The following PBX4 variants were observed in gnomAD, a reference collection of about 807,000 sequenced individuals.
The protein encoded by PBX4 is pre-B-cell leukemia transcription factor 4.
A neutral mutation model predicts 35.1 loss-of-function variants in PBX4; 26 were observed. The observed-to-expected ratio is 0.74, with a 90% CI of 0.54 to 1.03. PBX4 has a LOEUF of 1.03. Among genes scored for constraint, PBX4 ranks in the 50% least tolerant of loss-of-function variants. The pLI, the probability that PBX4 is intolerant of heterozygous loss-of-function variation, is 0.00. For synonymous variants in PBX4, 199 were observed against 204.2 expected (o/e 0.97, Z 0.22); for missense variants, 448 against 504.3 (o/e 0.89, Z 1.07).
intron 5 of PBX4, among the ~76,000 whole-genome samples, chr19:19,566,047 C>A (rs999529802): frequency 6.6e-6 from 1 of 152,004 alleles, no homozygotes; most frequent in South Asian, 2.1e-4. Flanking sequence ...CCAGGCCCAG[C>A]CTCATATATC....
chr19:19,604,803 TATTAGC>T (rs201755552), intron 1 of PBX4, among the ~76,000 whole-genome samples: 2,225 of 151,922 alleles, frequency 0.015, 74 homozygotes, highest in South Asian at 0.07. Context: ...GGTTTCATGG[TATTAGC>T]CAGGATGGTC....
At chr19:19,589,710 C>T (rs1234732675) in intron 2 of PBX4, among the ~76,000 whole-genome samples, 1 of 152,054 alleles carries the variant, frequency 6.6e-6, no homozygotes, top group African/African-American at 2.4e-5. Context: ...GTGGAGGTTG[C>T]AGTGAGCCGA....
Position 19,562,055 on chromosome 19 carries a change from A to C in PBX4, c.1095T>G (p.Pro365=). Residue 365 remains proline, a synonymous_variant, in exon 8 of 8, where the codon CCT becomes CCG. Coordinates refer to ENST00000251203, the MANE Select transcript of PBX4 (RefSeq NM_025245.3). The surrounding 1 kb of genome is among the most constrained non-coding windows in gnomAD (Gnocchi z 4.8). ...QPATASPAGD[P]GSINSSTSN ...TAGATGTACTGGAGTTGATGCTGCC[A>C]GGGTCTCCAGCAGGTGAGGCAGTTG... 2 of 1,613,446 alleles carry C rather than the reference A, an allele frequency of 1.2e-6. No individual in the cohort carries two copies. The highest frequency in any genetic ancestry group is 2.2e-5 in the South Asian group (2 of 90,874).
chr19:19,574,042 A>G (rs1212360443), intron 2 of PBX4, among the ~76,000 whole-genome samples: 1 of 151,758 alleles, frequency 6.6e-6, no homozygotes, highest in African/African-American at 2.4e-5. Flanking sequence ...ACACCCAGAT[A>G]ATTTTTGTAT....
At chr19:19,608,879 C>T (rs1376878957) in intron 1 of PBX4, among the ~76,000 whole-genome samples, 2 of 152,200 alleles carry the variant, frequency 1.3e-5, no homozygotes, top group African/African-American at 4.8e-5. Flanking sequence ...CCTCTCTGGT[C>T]CCCGTGTCAC....
chr19:19,567,992 C>T (rs539650978), intron 5 of PBX4, among the ~76,000 whole-genome samples: 6 of 151,432 alleles, frequency 4.0e-5, no homozygotes, highest in Non-Finnish European at 5.9e-5. Flanking sequence ...GGAGCTCACA[C>T]TCCACCTCAA....
In PBX4 at chr19:19,599,293, T is replaced by G. The variant is rs2061581347; in HGVS notation, c.192A>C (p.Thr64=). 1 of 1,609,094 alleles carries G rather than the reference T, an allele frequency of 6.2e-7. No homozygotes were observed. Among genetic ancestry groups the G allele is most frequent in the South Asian group, 1.1e-5 (1 of 91,000 alleles). The part of the protein sequence containing the change: ...FSVLCEIKEK[T]VVSIRGIQDE... ...GAAAGTGTCTTCTAAACAGCCTACC[T>G]GTCTTTTCCTTGATCTCACAGAGCA... Residue 64 remains threonine, a splice_region_variant and synonymous_variant, in exon 2 of 8, where the codon ACA becomes ACC. Transcript: ENST00000251203.
chr19:19,615,677 A>C (rs1409909299), intron 1 of PBX4, among the ~76,000 whole-genome samples: 1 of 152,190 alleles, frequency 6.6e-6, no homozygotes, highest in East Asian at 1.9e-4. Context: ...AGATCACCTA[A>C]GGTCAGGAAT....
At chr19:19,570,057 T>C in intron 4 of PBX4, 52 bp downstream of exon 4, 1 of 1,518,942 alleles carries the variant, frequency 6.6e-7, no homozygotes, top group Non-Finnish European at 8.8e-7. Flanking sequence ...ACTATTTCCC[T>C]CCAGTCCCTC....
At position 19,563,503 on chromosome 19, in the gene PBX4, A is replaced by G. The variant is rs926088779; in HGVS notation, c.1032+6T>C. ...TGGGCGCTGTGGGACAGTGCCTGAG[A>G]CTCACCTGGGACTGCAGGCAGCCTC... On this transcript the variant is annotated splice_donor_region_variant and intron_variant, in intron 7 of 7. Coordinates refer to ENST00000251203, the MANE Select transcript of PBX4 (RefSeq NM_025245.3). The surrounding 1 kb of genome is among the most constrained non-coding windows in gnomAD (Gnocchi z 5.1). The G allele has an allele frequency of 5.8e-6, 9 of 1,545,660 alleles. No homozygotes were observed. In the African/African-American group the frequency reaches 1.2e-4, roughly 21 times the overall value.
At chr19:19,580,138 C>T (rs751667136) in intron 2 of PBX4, among the ~76,000 whole-genome samples, 4 of 152,206 alleles carry the variant, frequency 2.6e-5, no homozygotes, top group South Asian at 2.1e-4. Flanking sequence ...ATCACACAGG[C>T]GCAGGCGCAG....
At chr19:19,581,307 G>A (rs368756968) in intron 2 of PBX4, among the ~76,000 whole-genome samples, 7 of 152,196 alleles carry the variant, frequency 4.6e-5, no homozygotes, top group African/African-American at 1.4e-4. Context: ...GGCCAAAACC[G>A]TGCCTGAGGC....
At chr19:19,565,120 T>C (rs988137125) in intron 5 of PBX4, 31 bp from the exon 6 acceptor site, 2 of 1,613,468 alleles carry the variant, frequency 1.2e-6, no homozygotes, top group Non-Finnish European at 1.7e-6. Flanking sequence ...CTGGAGGAGC[T>C]GACCCAGCGA....
At chr19:19,610,222 T>G (rs1318043589) in intron 1 of PBX4, among the ~76,000 whole-genome samples, 3 of 152,142 alleles carry the variant, frequency 2.0e-5, no homozygotes, top group South Asian at 2.1e-4. Context: ...GAGACCAGCC[T>G]GAACAACATG....
At chr19:19,594,742 G>C (rs150376135) in intron 2 of PBX4, among the ~76,000 whole-genome samples, 1 of 151,036 alleles carries the variant, frequency 6.6e-6, no homozygotes, top group East Asian at 1.9e-4. Flanking sequence ...TTTTTTTTTA[G>C]ACAGGGTCTC....
At chr19:19,596,810 T>C (rs181950040) in intron 2 of PBX4, among the ~76,000 whole-genome samples, 1 of 151,086 alleles carries the variant, frequency 6.6e-6, no homozygotes, top group East Asian at 2.0e-4. Flanking sequence ...TCCCAGCTAC[T>C]TGGGAGGATG....
At position 19,599,386 on chromosome 19, in the gene PBX4, G is replaced by T. The variant is rs777300354; in HGVS notation, c.120-21C>A. ...GCTTTCTGAAAGGGAGGTGACAGAGGAGGGTGTGAGAAAAGAATAGTCATC... is the reference window on the plus strand; with the variant it reads ...GCTTTCTGAAAGGGAGGTGACAGAGTAGGGTGTGAGAAAAGAATAGTCATC... On this transcript the variant is annotated intron_variant, in intron 1 of 7. Transcript: ENST00000251203. 6 of 1,597,372 alleles carry T rather than the reference G, an allele frequency of 3.8e-6. No individual in the cohort carries two copies. The South Asian group carries it at 6.6e-5, about 18-fold the overall frequency.
chr19:19,607,721 A>G (rs974644334), intron 1 of PBX4, among the ~76,000 whole-genome samples: 12 of 152,220 alleles, frequency 7.9e-5, no homozygotes, highest in African/African-American at 2.9e-4. Context: ...TACCAACAGT[A>G]TGTTTTAGCT....
chr19:19,595,500 G>A, intron 2 of PBX4, among the ~76,000 whole-genome samples: 1 of 152,228 alleles, frequency 6.6e-6, no homozygotes, highest in South Asian at 2.1e-4. Flanking sequence ...TTGTGTGTCT[G>A]GTTCCCCAGG....
Sources: allele counts gnomAD v4.1 joint callset (sites outside exome capture counted in the v4.1 genomes callset), GRCh38; gene constraint gnomAD v4.1.1; non-coding constraint Gnocchi (gnomAD v3.1); transcripts MANE v1.5; gene names NCBI Gene and HGNC (gene_info 2026-07-23, HGNC 2026-07-21).